Variants in GFRA1 observed in about 807,000 individuals in gnomAD.
GFRA1 encodes GDNF family receptor alpha-1.
A neutral mutation model predicts 51.6 loss-of-function variants in GFRA1; 16 were observed. That is an observed-to-expected ratio of 0.31 (90% CI 0.21 to 0.47). The LOEUF (loss-of-function observed/expected upper bound fraction) is 0.47, where lower values mean the gene tolerates loss of function less well. GFRA1 is among the 20% of genes least tolerant of loss of function. The pLI is 1.00. For synonymous variants in GFRA1, 270 were observed against 241.3 expected, an observed-to-expected ratio of 1.12 and a Z score of -1.10; for missense variants, 530 against 594.3, an observed-to-expected ratio of 0.89 and a Z score of 1.13.
At chr10:116,257,447 T>C (rs1968959547) in intron 4 of GFRA1, among the ~76,000 whole-genome samples, 1 of 152,108 alleles carries the variant, frequency 6.6e-6, no homozygotes, top group Admixed American at 6.5e-5. Context: ...TGCTTTCTCC[T>C]CAAGAAGGTG....
In GFRA1 at chr10:116,093,685, A is replaced by AT. The variant is rs369868817; in HGVS notation, c.1015+16dup. On this transcript the variant is annotated intron_variant, in intron 8 of 10. Coordinates refer to ENST00000355422, the MANE Select transcript of GFRA1 (RefSeq NM_005264.8). Reference sequence around the variant, plus strand: ...AAATGCGTTTGCTCCTTTGTTTCTTATTTTTTACAAACTCACTAAGACATG... The same window carrying AT: ...AAATGCGTTTGCTCCTTTGTTTCTTATTTTTTTACAAACTCACTAAGACATG... The AT allele has an allele frequency of 3.1e-6, 5 of 1,612,388 alleles. No homozygotes were observed. Among genetic ancestry groups the AT allele is most frequent in the African/African-American group, 1.3e-5 (1 of 75,002 alleles).
intron 4 of GFRA1, among the ~76,000 whole-genome samples, chr10:116,265,122 G>T (rs184379207): frequency 6.6e-6 from 1 of 152,288 alleles, no homozygotes; most frequent in East Asian, 1.9e-4. Flanking sequence ...GAGTTTAGGT[G>T]CATCTCATCC....
At chr10:116,219,944 G>T (rs4417185) in intron 4 of GFRA1, among the ~76,000 whole-genome samples, 1 of 152,074 alleles carries the variant, frequency 6.6e-6, no homozygotes, top group African/African-American at 2.4e-5. Flanking sequence ...CTGGGATTCC[G>T]TTCTTCCATT....
At position 116,271,133 on chromosome 10, in the gene GFRA1, G is replaced by A; in HGVS notation, c.41-18C>T. ...GAGCAAGTCTGCGGGGCAGAGGGGA[G>A]GGAGCCTGAGTGCGGCGGGCGGGGA... On this transcript the variant is annotated intron_variant, in intron 2 of 10. Transcript: ENST00000355422. 2 of 1,587,802 alleles carry A rather than the reference G, an allele frequency of 1.3e-6. No individual in the cohort carries two copies. Among genetic ancestry groups the A allele is most frequent in the Non-Finnish European group, 1.7e-6 (2 of 1,161,630 alleles).
chr10:116,178,997 T>C (rs985807558), intron 5 of GFRA1, among the ~76,000 whole-genome samples: 1 of 152,090 alleles, frequency 6.6e-6, no homozygotes, highest in Non-Finnish European at 1.5e-5. Flanking sequence ...TTGGATCCCA[T>C]CTGCTCCCCC....
Position 116,263,470 on chromosome 10 carries a change from A to G in GFRA1, c.418+6033T>C, listed in dbSNP as rs141868061. 3.9e-5 allele frequency among the ~76,000 whole-genome samples: 6 copies of G among 152,342 alleles called. No homozygotes were observed. In the East Asian group the frequency reaches 1.2e-3, roughly 29 times the overall value. On this transcript the variant is annotated intron_variant, in intron 4 of 10. Transcript: ENST00000355422. The stretch of plus-strand genomic sequence containing the variant: ...GTGAGCTCAAGATAAGGTGAATGGC[A>G]GAGCTGGGATTCATTCACCCAGGTT...
intron 8 of GFRA1, among the ~76,000 whole-genome samples, chr10:116,092,769 G>GTAGA (rs1183878820): frequency 1.3e-5 from 2 of 151,274 alleles, no homozygotes; most frequent in Non-Finnish European, 2.9e-5. Context: ...GGACTCTTGT[G>GTAGA]TAGATTACAG....
At chr10:116,251,419 G>C (rs2134694979) in intron 4 of GFRA1, among the ~76,000 whole-genome samples, 1 of 152,260 alleles carries the variant, frequency 6.6e-6, no homozygotes, top group African/African-American at 2.4e-5. Flanking sequence ...AGTGGGGGTG[G>C]ATGTATCAGA....
intron 4 of GFRA1, among the ~76,000 whole-genome samples, chr10:116,249,507 T>G (rs1432534843): frequency 6.6e-6 from 1 of 152,158 alleles, no homozygotes; most frequent in East Asian, 1.9e-4. Context: ...ACAAATTTTC[T>G]TTATCATCCA....
At chr10:116,230,070 C>T (rs1966584001) in intron 4 of GFRA1, among the ~76,000 whole-genome samples, 1 of 152,126 alleles carries the variant, frequency 6.6e-6, no homozygotes, top group Admixed American at 6.5e-5. Context: ...CATCCAAGAG[C>T]GTAATCACCC....
At chr10:116,209,981 C>T (rs866833699) in intron 5 of GFRA1, among the ~76,000 whole-genome samples, 2 of 152,204 alleles carry the variant, frequency 1.3e-5, no homozygotes, top group Non-Finnish European at 1.5e-5. Context: ...CCCACTGACA[C>T]ACAGAGCAAC....
At chr10:116,085,608 C>T (rs1956067703) in intron 9 of GFRA1, among the ~76,000 whole-genome samples, 1 of 152,150 alleles carries the variant, frequency 6.6e-6, no homozygotes, top group Non-Finnish European at 1.5e-5. Context: ...CTCCTGGGAG[C>T]CCTCCGCCCA....
chr10:116,057,499 CAA>C lies in GFRA1; in HGVS notation c.*6897_*6898del, dbSNP rs1954598046. On this transcript the variant is annotated 3_prime_UTR_variant, in exon 11 of 11. Coordinates refer to ENST00000355422, the MANE Select transcript of GFRA1 (RefSeq NM_005264.8). ...TAAGAGTGAAAAATGCAACACCATC[CAA>C]AAGAGTACAAGAAAAAAACCCCACA... 6.6e-6 allele frequency: 1 copy of C among 152,074 alleles called. No homozygotes were observed. The highest frequency in any genetic ancestry group is 1.5e-5 in the Non-Finnish European group (1 of 68,030). The allele number at this position is 152,074 out of a possible 1,614,324, so 9.4% of individuals were successfully genotyped here.
chr10:116,218,955 A>G (rs1002214726), intron 4 of GFRA1, among the ~76,000 whole-genome samples: 2 of 151,942 alleles, frequency 1.3e-5, no homozygotes, highest in African/African-American at 4.8e-5. Flanking sequence ...TCACTGTTGT[A>G]CCTCTGAAGG....
At chr10:116,129,601 G>C (rs1958019934) in intron 5 of GFRA1, among the ~76,000 whole-genome samples, 1 of 152,008 alleles carries the variant, frequency 6.6e-6, no homozygotes. Flanking sequence ...CAAGAACAAA[G>C]GATTCCCCTT....
chr10:116,258,898 C>T (rs941492631), intron 4 of GFRA1, among the ~76,000 whole-genome samples: 7 of 152,102 alleles, frequency 4.6e-5, no homozygotes, highest in Non-Finnish European at 1.0e-4. Flanking sequence ...GCAACCATTT[C>T]GAATTGGGAG....
At chr10:116,264,877 G>T (rs757241370) in intron 4 of GFRA1, among the ~76,000 whole-genome samples, 2 of 152,134 alleles carry the variant, frequency 1.3e-5, no homozygotes, top group Non-Finnish European at 1.5e-5. Context: ...TTAGAGAGCT[G>T]AGTGCAAGAA....
chr10:116,240,092 T>C (rs1318376314), intron 4 of GFRA1, among the ~76,000 whole-genome samples: 1 of 152,126 alleles, frequency 6.6e-6, no homozygotes, highest in East Asian at 1.9e-4. Flanking sequence ...AATCATTGCA[T>C]TTTCAAATTT....
At chr10:116,186,775 C>A (rs1786806474) in intron 5 of GFRA1, among the ~76,000 whole-genome samples, 6 of 152,110 alleles carry the variant, frequency 3.9e-5, no homozygotes, top group Admixed American at 3.9e-4. Context: ...ATTCTCTTGA[C>A]AAATGAGAAT....
Sources: gnomAD v4.1 joint callset for allele counts (sites outside exome capture counted in the v4.1 genomes callset) on GRCh38, gnomAD v4.1.1 for gene constraint, MANE v1.5 for transcripts, NCBI Gene and HGNC (gene_info 2026-07-23, HGNC 2026-07-21) for gene names.